The following MCC variants were observed in gnomAD, a reference collection of about 807,000 sequenced individuals.
MCC encodes MCC regulator of Wnt signaling pathway, also known as colorectal mutant cancer protein.
A neutral mutation model predicts 116.2 loss-of-function variants in MCC; 90 were observed. The observed-to-expected ratio is 0.77, with a 90% CI of 0.65 to 0.92. The LOEUF is 0.92. Among genes scored for constraint, MCC ranks in the 40% least tolerant of loss-of-function variants. MCC has a pLI of 0.00. For missense variants in MCC, 1,516 were observed against 1,312.2 expected (o/e 1.16, Z -2.40); for synonymous variants, 578 against 510.5 (o/e 1.13, Z -1.78).
Position 113,344,109 on chromosome 5 carries a change from T to G in MCC, c.416-3379A>C, listed in dbSNP as rs151291999. On this transcript the variant is annotated intron_variant, in intron 2 of 18. Coordinates refer to ENST00000408903, the MANE Select transcript of MCC (RefSeq NM_001085377.2). ...CAGTGGTTATGTACCATGGAGAATC[T>G]GTGCTTATGGGAGAGGGAAAGCACA... Among the ~76,000 whole-genome samples, 800 of 152,298 alleles carry G rather than the reference T, an allele frequency of 5.3e-3. 6 individuals are homozygous for G. Among genetic ancestry groups the G allele is most frequent in the Admixed American group, 8.1e-3 (124 of 15,298 alleles).
intron 3 of MCC, among the ~76,000 whole-genome samples, chr5:113,201,678 T>G (rs1191645881): frequency 6.6e-6 from 1 of 152,230 alleles, no homozygotes; most frequent in Admixed American, 6.5e-5. Flanking sequence ...TGTCAAGCCT[T>G]GATTTTTAGG....
At chr5:113,378,658 G>A (rs1769040401) in intron 2 of MCC, among the ~76,000 whole-genome samples, 1 of 152,152 alleles carries the variant, frequency 6.6e-6, no homozygotes. Context: ...CAGCTCAAAG[G>A]GATGCATCAG....
At chr5:113,465,158 A>G (rs1197768655) in intron 1 of MCC, among the ~76,000 whole-genome samples, 3 of 151,618 alleles carry the variant, frequency 2.0e-5, no homozygotes, top group Non-Finnish European at 4.4e-5. Context: ...ATATTAAACC[A>G]TGTTATAAAG....
chr5:113,359,010 T>C (rs1768479462), intron 2 of MCC, among the ~76,000 whole-genome samples: 1 of 152,180 alleles, frequency 6.6e-6, no homozygotes, highest in African/African-American at 2.4e-5. Flanking sequence ...ATAGAGTCTA[T>C]CTATCCTTCT....
At chr5:113,301,359 G>C (rs2150364828) in intron 3 of MCC, among the ~76,000 whole-genome samples, 1 of 152,232 alleles carries the variant, frequency 6.6e-6, no homozygotes, top group Middle Eastern at 3.4e-3. Context: ...CAGCTACTTG[G>C]GAGGCTGAGG....
intron 3 of MCC, among the ~76,000 whole-genome samples, chr5:113,187,754 C>CAA (rs5870533): frequency 8.1e-6 from 1 of 122,992 alleles, no homozygotes; most frequent in African/African-American, 3.2e-5. Flanking sequence ...GACTCCAACT[C>CAA]AAAAAAAAAA....
intron 3 of MCC, among the ~76,000 whole-genome samples, chr5:113,328,174 G>A (rs1305528961): frequency 1.3e-5 from 2 of 152,176 alleles, no homozygotes; most frequent in Admixed American, 6.5e-5. Context: ...AGGAAGAGGT[G>A]GAGAGGGTTA....
chr5:113,059,677 T>C (rs1753082765), intron 14 of MCC, among the ~76,000 whole-genome samples: 1 of 152,240 alleles, frequency 6.6e-6, no homozygotes, highest in South Asian at 2.1e-4. Context: ...GGAGCTAGTC[T>C]AGGATGTGTG....
rs1437718627 is a variant in MCC, at chr5:113,049,447, G to A, written c.2449-148C>T. Reference sequence around the variant, plus strand: ...CTTTGAAGTTGGCAGTAGGATGAGTGGGAGGAGACGTGGCACCTGTCACCA... The same window carrying A: ...CTTTGAAGTTGGCAGTAGGATGAGTAGGAGGAGACGTGGCACCTGTCACCA... On this transcript the variant is annotated intron_variant, in intron 15 of 18. Transcript: ENST00000408903. The A allele has an allele frequency of 1.4e-5, 9 of 628,574 alleles. No individual in the cohort carries two copies. In the East Asian group the frequency reaches 2.5e-4, roughly 17 times the overall value. 38.9% of individuals were successfully genotyped at this position (628,574 alleles called of 1,614,324 possible). A position where few individuals can be genotyped will look rare whatever the true frequency, so the allele number is the denominator to read the frequency against.
intron 9 of MCC, 77 bp downstream of exon 9, chr5:113,085,087 C>T: frequency 1.3e-6 from 2 of 1,599,362 alleles, no homozygotes; most frequent in Non-Finnish European, 1.7e-6. Context: ...CATGCCTGTA[C>T]AGTGGCTAGG....
At chr5:113,118,950 T>C (rs1306550961) in intron 6 of MCC, among the ~76,000 whole-genome samples, 2 of 152,146 alleles carry the variant, frequency 1.3e-5, no homozygotes, top group Non-Finnish European at 2.9e-5. Flanking sequence ...AGTTCCCAGA[T>C]TCCTGCTCGG....
chr5:113,237,344 G>A (rs1432739185), intron 3 of MCC, among the ~76,000 whole-genome samples: 2 of 152,194 alleles, frequency 1.3e-5, no homozygotes, highest in Non-Finnish European at 2.9e-5. Context: ...GAATTTTGTA[G>A]CACAAAAATA....
intron 5 of MCC, among the ~76,000 whole-genome samples, chr5:113,129,032 T>C (rs895668724): frequency 6.6e-6 from 1 of 152,180 alleles, no homozygotes; most frequent in Admixed American, 6.5e-5. Flanking sequence ...TATATTACAG[T>C]AGATAGAGAC....
chr5:113,437,104 C>T (rs1770887234), intron 1 of MCC: 1 of 150,716 alleles, frequency 6.6e-6, no homozygotes, highest in Non-Finnish European at 1.5e-5. Context: ...AAAAGTTTAT[C>T]TATATTGCTG....
chr5:113,140,189 T>C (rs1267924544), intron 5 of MCC, among the ~76,000 whole-genome samples: 1 of 152,184 alleles, frequency 6.6e-6, no homozygotes, highest in East Asian at 1.9e-4. Flanking sequence ...TTGACCACTT[T>C]TAGGCCTAAA....
At position 113,388,982 on chromosome 5, in the gene MCC, G is replaced by A. The variant is rs1769339433; in HGVS notation, c.171-3770C>T. Among the ~76,000 whole-genome samples the A allele has an allele frequency of 2.0e-5, 3 of 152,240 alleles. No individual in the cohort carries two copies. In the South Asian group the frequency reaches 6.2e-4, roughly 32 times the overall value. ...AAACAATTAGGGACAGCACTAACAT[G>A]AGCAGCTTGATTATCAAAGGTCATG... is the stretch of plus-strand genomic sequence containing the variant. On this transcript the variant is annotated intron_variant, in intron 1 of 18. Coordinates refer to ENST00000408903, the MANE Select transcript of MCC (RefSeq NM_001085377.2).
chr5:113,030,285 T>G (rs939239681), intron 17 of MCC, among the ~76,000 whole-genome samples: 5 of 152,282 alleles, frequency 3.3e-5, no homozygotes, highest in African/African-American at 1.2e-4. Flanking sequence ...CACTTAGGCA[T>G]TGGTTACAAT....
At chr5:113,233,868 A>G (rs1004305032) in intron 3 of MCC, among the ~76,000 whole-genome samples, 1 of 152,168 alleles carries the variant, frequency 6.6e-6, no homozygotes, top group Non-Finnish European at 1.5e-5. Context: ...GTCAGAAGCA[A>G]CTCTGTTCAT....
intron 1 of MCC, among the ~76,000 whole-genome samples, chr5:113,469,691 T>C (rs1772024727): frequency 6.6e-6 from 1 of 152,230 alleles, no homozygotes; most frequent in Non-Finnish European, 1.5e-5. Context: ...TGTAGATGTC[T>C]ATTAGGTCAC....
Sources: allele counts gnomAD v4.1 joint callset (sites outside exome capture counted in the v4.1 genomes callset), GRCh38; gene constraint gnomAD v4.1.1; transcripts MANE v1.5; gene names NCBI Gene and HGNC (gene_info 2026-07-23, HGNC 2026-07-21).